UBE2L3: variants seen among roughly 807,000 people sequenced by gnomAD.
UBE2L3 encodes the protein ubiquitin-conjugating enzyme E2 L3.
A neutral mutation model predicts 17.8 loss-of-function variants in UBE2L3; 1 was observed. That is an observed-to-expected ratio of 0.06 (90% CI 0.02 to 0.27). The LOEUF is 0.27. UBE2L3 is among the 10% of genes least tolerant of loss of function. The pLI is 1.00. For missense variants in UBE2L3, 40 were observed against 192.6 expected (o/e 0.21, Z 4.69); for synonymous variants, 44 against 68.5 (o/e 0.64, Z 1.76).
chr22:21,567,600 A>C, upstream of UBE2L3: 1 of 1,501,960 alleles, frequency 6.7e-7, no homozygotes, highest in Non-Finnish European at 8.9e-7. Context: ...CGCGCCCCCC[A>C]GCACAGTGGG....
intron 1 of UBE2L3, chr22:21,568,134 A>T (rs1926741973): frequency 9.6e-7 from 1 of 1,039,122 alleles, no homozygotes; most frequent in Non-Finnish European, 1.2e-6. Flanking sequence ...GCCTTCGGGG[A>T]AGGCCCGAGC....
chr22:21,568,324 A>G, intron 1 of UBE2L3: 1 of 985,510 alleles, frequency 1.0e-6, no homozygotes, highest in Non-Finnish European at 1.2e-6. Context: ...GTCGTTTGGA[A>G]TTGCGCTGGG....
chr22:21,613,171 A>G (rs967839531), intron 3 of UBE2L3, among the ~76,000 whole-genome samples: 6 of 152,138 alleles, frequency 3.9e-5, no homozygotes, highest in African/African-American at 1.4e-4. Context: ...GGGTGGGGCT[A>G]GGGCCAGGGA....
At position 21,609,331 on chromosome 22, in the gene UBE2L3, G is replaced by GT. The variant is rs377125613; in HGVS notation, c.124-1523dup. ...ACAGCTTTATTCATTAATTGCTAAG[G>GT]TTTGAAAGCAACCAAGATGTCCTTC... On this transcript the variant is annotated intron_variant, in intron 2 of 3. Transcript: ENST00000342192. Among the ~76,000 whole-genome samples, 285 of 152,292 alleles carry GT rather than the reference G, an allele frequency of 1.9e-3. 1 individual carries two copies. Among genetic ancestry groups the GT allele is most frequent in the African/African-American group, 6.4e-3 (268 of 41,566 alleles).
chr22:21,562,177 C>T (rs1926456050), intron 1 of UBE2L3, among the ~76,000 whole-genome samples: 1 of 149,644 alleles, frequency 6.7e-6, no homozygotes, highest in Non-Finnish European at 1.5e-5. Context: ...CAGGTGGTGC[C>T]TGTGTACCTC....
Position 21,567,877 on chromosome 22 carries a change from C to G in UBE2L3, c.27+106C>G, listed in dbSNP as rs933330311. 31 of 1,541,974 alleles carry G rather than the reference C, an allele frequency of 2.0e-5. No homozygotes were observed. In the African/African-American group the frequency reaches 3.8e-4, roughly 19 times the overall value. ...AGGGCGCTGCCGTCTGGCTTCCTGC[C>G]CTACACGGCCTCGTCGGTTCCCTGG... On this transcript the variant is annotated intron_variant, in intron 1 of 3. Coordinates refer to ENST00000342192, the MANE Select transcript of UBE2L3 (RefSeq NM_003347.4).
chr22:21,588,591 C>T (rs941081024), intron 1 of UBE2L3, among the ~76,000 whole-genome samples: 2 of 151,342 alleles, frequency 1.3e-5, no homozygotes, highest in East Asian at 1.9e-4. Context: ...TCCGCTTTCA[C>T]CTCTCAGCCT....
chr22:21,615,327 G>A (rs183866963), intron 3 of UBE2L3, among the ~76,000 whole-genome samples: 47 of 152,042 alleles, frequency 3.1e-4, no homozygotes, highest in African/African-American at 8.4e-4. Context: ...AGGCCAAGGC[G>A]GGCAGATCAC....
chr22:21,584,386 A>T (rs574087502), intron 1 of UBE2L3, among the ~76,000 whole-genome samples: 12 of 150,528 alleles, frequency 8.0e-5, no homozygotes, highest in African/African-American at 2.2e-4. Flanking sequence ...CATATTGGCC[A>T]GGCTGGTGTT....
At chr22:21,575,556 T>A (rs922298655) in intron 1 of UBE2L3, among the ~76,000 whole-genome samples, 2 of 137,044 alleles carry the variant, frequency 1.5e-5, no homozygotes, top group Non-Finnish European at 3.1e-5. Context: ...GCCACTGCGC[T>A]CCAGCCTGGG....
At chr22:21,595,524 T>C (rs1361683851) in intron 2 of UBE2L3, among the ~76,000 whole-genome samples, 1 of 152,130 alleles carries the variant, frequency 6.6e-6, no homozygotes, top group Non-Finnish European at 1.5e-5. Flanking sequence ...GGTGCTGTCC[T>C]TGGGTAGCCA....
chr22:21,567,624 G>A (rs1926696643), upstream of UBE2L3: 2 of 1,536,104 alleles, frequency 1.3e-6, no homozygotes, highest in South Asian at 1.2e-5. Context: ...CACACAGTAG[G>A]TGCTCCGCTC....
rs947987458 is a variant in UBE2L3 at position 21,614,687 on chromosome 22, G to C, written c.310+3644G>C. The C allele has an allele frequency of 9.0e-6, 12 of 1,331,454 alleles. No individual in the cohort carries two copies. The Admixed American group carries it at 2.2e-4, about 24-fold the overall frequency. 82.5% of individuals were successfully genotyped at this position (1,331,454 alleles called of 1,614,324 possible). On this transcript the variant is annotated intron_variant, in intron 3 of 3. Coordinates refer to ENST00000342192, the MANE Select transcript of UBE2L3 (RefSeq NM_003347.4). ...AAAAGTAAGCATAATGGAAGAAATAGTAATATGAAAAGATGCTCATATGAC... is the reference window on the plus strand; with the variant it reads ...AAAAGTAAGCATAATGGAAGAAATACTAATATGAAAAGATGCTCATATGAC...
In UBE2L3 at chr22:21,560,944, A is replaced by G. The variant is rs1263936349; in HGVS notation, c.201+11294A>G. Among the ~76,000 whole-genome samples, 5 of 152,408 alleles carry G rather than the reference A, an allele frequency of 3.3e-5. No individual in the cohort carries two copies. In the East Asian group the frequency reaches 9.6e-4, roughly 29 times the overall value. On this transcript the variant is annotated intron_variant, in intron 1 of 3. Transcript: ENST00000458578. ...GATGACAAGGGCCAAGTAATGTGTT[A>G]ATTTCTTCATTCACTAAGCACAGAG...
chr22:21,586,453 A>G (rs994178951), intron 1 of UBE2L3, among the ~76,000 whole-genome samples: 22 of 151,900 alleles, frequency 1.4e-4, no homozygotes, highest in Admixed American at 1.4e-3. Flanking sequence ...TATTTTTAGT[A>G]GAGATGAGGT....
intron 1 of UBE2L3, among the ~76,000 whole-genome samples, chr22:21,573,925 C>A (rs894973543): frequency 6.6e-6 from 1 of 152,180 alleles, no homozygotes; most frequent in Non-Finnish European, 1.5e-5. Context: ...GCCAGGCCAG[C>A]CTTGGAGGGT....
At chr22:21,576,445 C>T (rs929376609) in intron 1 of UBE2L3, among the ~76,000 whole-genome samples, 34 of 151,870 alleles carry the variant, frequency 2.2e-4, no homozygotes, top group Non-Finnish European at 3.8e-4. Context: ...CTACAAGTGC[C>T]CGCCACCATG....
chr22:21,614,727 C>G, intron 3 of UBE2L3: 1 of 1,077,158 alleles, frequency 9.3e-7, no homozygotes, highest in Non-Finnish European at 1.3e-6. Context: ...CAATTCCACT[C>G]TTAGCTATAT....
chr22:21,598,318 A>C (rs1928665835), intron 2 of UBE2L3, among the ~76,000 whole-genome samples: 2 of 151,832 alleles, frequency 1.3e-5, no homozygotes, highest in African/African-American at 2.4e-5. Context: ...TTGCTTTTTC[A>C]ATGTAGGTAT....
Sources: gnomAD v4.1 joint callset for allele counts (sites outside exome capture counted in the v4.1 genomes callset) on GRCh38, gnomAD v4.1.1 for gene constraint, MANE v1.5 for transcripts, NCBI Gene and HGNC (gene_info 2026-07-23, HGNC 2026-07-21) for gene names.